CEP152: variants seen among roughly 807,000 people sequenced by gnomAD.
CEP152 encodes centrosomal protein of 152 kDa.
In CEP152, 132 loss-of-function variants were observed where a neutral mutation model predicts 188.9. The observed-to-expected ratio is 0.70, with a 90% CI of 0.61 to 0.81. CEP152 has a LOEUF of 0.81. CEP152 is among the 30% of genes least tolerant of loss of function. The pLI, the probability that CEP152 is intolerant of heterozygous loss-of-function variation, is 0.00. For missense variants in CEP152, 1,914 were observed against 1,969.8 expected (o/e 0.97, Z 0.54); for synonymous variants, 649 against 666.6 (o/e 0.97, Z 0.41).
At chr15:48,778,617 G>A (rs944416139) in intron 12 of CEP152, among the ~76,000 whole-genome samples, 26 of 152,052 alleles carry the variant, frequency 1.7e-4, no homozygotes, top group East Asian at 7.7e-4. Flanking sequence ...ATAATGATGC[G>A]GTGTCTCAGG....
At position 48,738,311 on chromosome 15, in the gene CEP152, T is replaced by C. The variant is rs372924784; in HGVS notation, c.5071A>G (p.Ile1691Val). ...TCTTGTTGGCTAGATAGCGGAACAA[T>C]TAATTTTCTTGAAGGCTGCTGACAC... ...SVCQQPSRKL[I>V]VPLSSQQDSG... Residue 1691 changes from isoleucine to valine, a missense_variant, in exon 27 of 27, where the codon ATT (isoleucine) becomes GTT (valine). Transcript: ENST00000380950. 1.2e-6 allele frequency: 2 copies of C among 1,613,940 alleles called. No homozygotes were observed. The highest frequency in any genetic ancestry group is 1.7e-6 in the Non-Finnish European group (2 of 1,179,936).
At chr15:48,777,780 C>T (rs904765378) in intron 12 of CEP152, among the ~76,000 whole-genome samples, 1 of 152,054 alleles carries the variant, frequency 6.6e-6, no homozygotes, top group Non-Finnish European at 1.5e-5. Flanking sequence ...TTATTTTGCT[C>T]GGTTAACAAA....
intron 13 of CEP152, 91 bp downstream of exon 13, chr15:48,772,396 G>A: frequency 9.4e-7 from 1 of 1,061,534 alleles, no homozygotes. Flanking sequence ...GGAAGACAGA[G>A]TGACGCCCTG....
intron 1 of CEP152, chr15:48,810,688 C>T (rs12907530): frequency 6.6e-6 from 1 of 152,234 alleles, no homozygotes; most frequent in Non-Finnish European, 1.5e-5. Context: ...GTGACCAAGG[C>T]GGGGTCCGCA....
In CEP152 at chr15:48,756,047, G is replaced by T. The variant is rs1566986720; in HGVS notation, c.3201C>A (p.Asp1067Glu). The change falls in exon 20 of 27, where the codon GAC (aspartate) becomes GAA (glutamate). Residue 1067 changes from aspartate to glutamate, a missense_variant. By Grantham distance (45) the Asp-to-Glu change is conservative. Coordinates refer to ENST00000380950, the MANE Select transcript of CEP152 (RefSeq NM_001194998.2). ...TCGACATGATTTCCAAAAGCTGCTT[G>T]TCCTCAGAATCACTGATGTGCTCCT... ...TQKEHISDSE[D>E]KQLLEIMSTC... is the part of the protein sequence containing the mutation. The T allele has an allele frequency of 1.2e-6, 2 of 1,614,058 alleles. No individual in the cohort carries two copies. Among genetic ancestry groups the T allele is most frequent in the African/African-American group, 1.3e-5 (1 of 75,012 alleles).
chr15:48,747,416 C>A (rs1367144385), intron 22 of CEP152, among the ~76,000 whole-genome samples: 1 of 152,118 alleles, frequency 6.6e-6, no homozygotes, highest in Non-Finnish European at 1.5e-5. Flanking sequence ...TCAGAAAATT[C>A]TTGGAGAATT....
chr15:48,804,088 A>AT lies in CEP152; in HGVS notation c.87+1474dup, dbSNP rs1175821618. On this transcript the variant is annotated intron_variant, in intron 2 of 26. Transcript: ENST00000380950. ...GAGTGAAGCAGGCAGGTCTGAGTGC[A>AT]TAAGCCCATGTCTGTGTGAGAAGTG... is the stretch of plus-strand genomic sequence containing the variant. Among the ~76,000 whole-genome samples, 6 of 152,362 alleles carry AT rather than the reference A, an allele frequency of 3.9e-5. No homozygotes were observed. In the East Asian group the frequency reaches 1.2e-3, roughly 29 times the overall value.
chr15:48,763,664 C>T (rs952233482), intron 17 of CEP152, among the ~76,000 whole-genome samples: 8 of 151,992 alleles, frequency 5.3e-5, no homozygotes, highest in Non-Finnish European at 8.8e-5. Context: ...CAGAGCGAGG[C>T]TCCGTCTCAA....
chr15:48,777,639 A>T (rs1249527672), intron 12 of CEP152, among the ~76,000 whole-genome samples: 1 of 152,062 alleles, frequency 6.6e-6, no homozygotes, highest in African/African-American at 2.4e-5. Context: ...GTCTGTCTAT[A>T]TACATAGATC....
At chr15:48,772,727 A>C in intron 12 of CEP152, 36 bp from the exon 13 acceptor site, 1 of 1,560,244 alleles carries the variant, frequency 6.4e-7, no homozygotes, top group Admixed American at 1.7e-5. Context: ...CATTAAATCA[A>C]GTAATAAATC....
chr15:48,795,867 A>C, intron 6 of CEP152, 143 bp downstream of exon 6: 1 of 739,776 alleles, frequency 1.4e-6, no homozygotes. Flanking sequence ...ATCTCTAAAA[A>C]TAAGGGCTCT....
intron 13 of CEP152, among the ~76,000 whole-genome samples, chr15:48,769,393 C>A (rs759316190): frequency 6.6e-6 from 1 of 152,212 alleles, no homozygotes; most frequent in African/African-American, 2.4e-5. Flanking sequence ...CTCCTCCAAT[C>A]TAGGACAGCT....
chr15:48,806,441 T>C (rs1320803063), intron 1 of CEP152, among the ~76,000 whole-genome samples: 3 of 152,198 alleles, frequency 2.0e-5, no homozygotes, highest in Non-Finnish European at 2.9e-5. Context: ...CATAAACTCC[T>C]CAGAACTTCA....
At chr15:48,747,167 T>C (rs764875865) in intron 22 of CEP152, among the ~76,000 whole-genome samples, 1 of 152,160 alleles carries the variant, frequency 6.6e-6, no homozygotes, top group Non-Finnish European at 1.5e-5. Context: ...AGCTACCCTA[T>C]GGAGAATGGA....
chr15:48,766,925 GATACAGCCAAA>G, intron 17 of CEP152, 124 bp downstream of exon 17: 1 of 1,148,708 alleles, frequency 8.7e-7, no homozygotes, highest in South Asian at 1.2e-5. Context: ...ATATGAGTGT[GATACAGCCAAA>G]AGTAAAGAGA....
At chr15:48,753,490 T>C (rs750506233) in intron 20 of CEP152, among the ~76,000 whole-genome samples, 3 of 152,198 alleles carry the variant, frequency 2.0e-5, no homozygotes, top group Non-Finnish European at 4.4e-5. Context: ...AACCACTTAA[T>C]TGACTGTCAG....
chr15:48,760,051 G>A, intron 19 of CEP152, 84 bp downstream of exon 19: 2 of 1,556,252 alleles, frequency 1.3e-6, no homozygotes, highest in Non-Finnish European at 1.8e-6. Context: ...AATTCTATGA[G>A]TAGGTACAAA....
chr15:48,739,104 T>C lies in CEP152; in HGVS notation c.4278A>G (p.Ser1426=). The C allele has an allele frequency of 6.2e-7, 1 of 1,614,238 alleles. No individual in the cohort carries two copies. Among genetic ancestry groups the C allele is most frequent in the Non-Finnish European group, 8.5e-7 (1 of 1,180,026 alleles). Residue 1426 remains serine, a synonymous_variant, in exon 27 of 27, where the codon TCA becomes TCG. Coordinates refer to ENST00000380950, the MANE Select transcript of CEP152 (RefSeq NM_001194998.2). ...CCACATGCTTTATGCTCTGATGCTCTGAGTTCTCTAACAGCCTTTGTAAGT... is the reference window on the plus strand; with the variant it reads ...CCACATGCTTTATGCTCTGATGCTCCGAGTTCTCTAACAGCCTTTGTAAGT... ...ACNLQRLLEN[S]EHQSIKHVGS...
intron 2 of CEP152, chr15:48,729,483 G>C (rs945971878): frequency 2.0e-5 from 3 of 152,186 alleles, no homozygotes; most frequent in African/African-American, 7.2e-5. Context: ...TCTCGGTTCA[G>C]TTGCAGTGAT....
Sources: allele counts gnomAD v4.1 joint callset (sites outside exome capture counted in the v4.1 genomes callset), GRCh38; gene constraint gnomAD v4.1.1; transcripts MANE v1.5; gene names NCBI Gene and HGNC (gene_info 2026-07-23, HGNC 2026-07-21).